THADA: variants seen among roughly 807,000 people sequenced by gnomAD.
THADA encodes the protein THADA armadillo repeat containing.
THADA carries 213 observed loss-of-function variants against 219.8 expected under a neutral mutation model. The ratio of observed to expected loss-of-function variants is 0.97; its 90% CI spans 0.87 to 1.09. The LOEUF is 1.09. Ranked by LOEUF, THADA falls within the 50% of genes least tolerant of loss-of-function variation. The pLI is 0.00. For synonymous variants in THADA, 1,018 were observed against 828.9 expected, an observed-to-expected ratio of 1.23 and a Z score of -3.92; for missense variants, 2,956 against 2,311.3, an observed-to-expected ratio of 1.28 and a Z score of -5.72.
At chr2:43,351,191 C>G (rs1351129879) in intron 29 of THADA, among the ~76,000 whole-genome samples, 1 of 152,230 alleles carries the variant, frequency 6.6e-6, no homozygotes, top group Non-Finnish European at 1.5e-5. Context: ...AAGCCAAGCT[C>G]TGAGGACATC....
intron 29 of THADA, among the ~76,000 whole-genome samples, chr2:43,361,628 G>A (rs968034703): frequency 1.3e-5 from 2 of 152,166 alleles, no homozygotes; most frequent in Admixed American, 1.3e-4. Context: ...TGGCAGTATC[G>A]TTCCTTGGCA....
chr2:43,358,271 T>C (rs1669100065), intron 29 of THADA, among the ~76,000 whole-genome samples: 1 of 152,188 alleles, frequency 6.6e-6, no homozygotes, highest in African/African-American at 2.4e-5. Context: ...TCTAACTCCC[T>C]ACTTATTGTG....
At chr2:43,315,482 A>G (rs981244084) in intron 31 of THADA, among the ~76,000 whole-genome samples, 20 of 151,248 alleles carry the variant, frequency 1.3e-4, no homozygotes, top group East Asian at 1.9e-4. Flanking sequence ...TTTTTTTTAG[A>G]GACAGGATCT....
chr2:43,501,307 C>CA (rs60448094), intron 24 of THADA, among the ~76,000 whole-genome samples: 297 of 15,044 alleles, frequency 0.02, 43 homozygotes, highest in East Asian at 0.046. Flanking sequence ...ACTCCAACTC[C>CA]AAAAAAAAAA....
intron 29 of THADA, among the ~76,000 whole-genome samples, chr2:43,366,481 G>A (rs191101471): frequency 6.6e-6 from 1 of 152,092 alleles, no homozygotes; most frequent in East Asian, 1.9e-4. Flanking sequence ...ACAATTCAGT[G>A]AAAAAAGCAG....
At chr2:43,440,520 C>T (rs1028484211) in intron 26 of THADA, among the ~76,000 whole-genome samples, 31 of 152,146 alleles carry the variant, frequency 2.0e-4, no homozygotes, top group Admixed American at 1.9e-3. Context: ...CAAAACTGGT[C>T]AAGAACATCA....
intron 29 of THADA, among the ~76,000 whole-genome samples, chr2:43,377,085 C>T (rs939111206): frequency 2.6e-5 from 4 of 152,116 alleles, no homozygotes; most frequent in African/African-American, 9.7e-5. Flanking sequence ...CCGGGAGTGG[C>T]ACAATATCGT....
At chr2:43,354,622 T>A (rs906838989) in intron 29 of THADA, among the ~76,000 whole-genome samples, 1 of 152,208 alleles carries the variant, frequency 6.6e-6, no homozygotes, top group African/African-American at 2.4e-5. Context: ...TGTCTTTCTG[T>A]GCCTGGCTTA....
chr2:43,322,842 C>T (rs954429250), intron 30 of THADA, among the ~76,000 whole-genome samples: 11 of 151,822 alleles, frequency 7.2e-5, no homozygotes, highest in South Asian at 6.3e-4. Context: ...CCCGCCGCCA[C>T]GCCCGGCTAA....
chr2:43,387,522 C>T (rs1672836573), intron 29 of THADA, among the ~76,000 whole-genome samples: 2 of 152,088 alleles, frequency 1.3e-5, no homozygotes, highest in African/African-American at 2.4e-5. Flanking sequence ...ACAACTTCTG[C>T]CCGGGTCAGG....
rs1021827277 is a variant in THADA at position 43,556,298 on chromosome 2, C to T, written c.2674+47G>A. ...ATTAGATATTCTAACCAAATGAATA[C>T]TGAGACTAAGCTATTCGTTTTGATA... On this transcript the variant is annotated intron_variant, in intron 17 of 37. Coordinates refer to ENST00000405975, the MANE Select transcript of THADA (RefSeq NM_022065.5). 9 of 1,595,930 alleles carry T rather than the reference C, an allele frequency of 5.6e-6. No individual in the cohort carries two copies. The African/African-American group carries it at 9.4e-5, about 17-fold the overall frequency.
At chr2:43,451,220 T>C (rs1011192705) in intron 26 of THADA, among the ~76,000 whole-genome samples, 3 of 152,144 alleles carry the variant, frequency 2.0e-5, no homozygotes, top group African/African-American at 7.2e-5. Flanking sequence ...CTCTCTCTTA[T>C]CCTTAGGCAA....
intron 20 of THADA, among the ~76,000 whole-genome samples, chr2:43,547,630 T>G (rs992076133): frequency 9.9e-5 from 15 of 152,252 alleles, no homozygotes; most frequent in African/African-American, 1.9e-4. Flanking sequence ...CTTCCATCAC[T>G]GATACCCTTT....
chr2:43,300,075 T>C (rs956669475), intron 31 of THADA, among the ~76,000 whole-genome samples: 5 of 151,506 alleles, frequency 3.3e-5, no homozygotes, highest in African/African-American at 9.7e-5. Flanking sequence ...AGTATTTACA[T>C]GTCATGTACT....
At chr2:43,306,664 C>A (rs1676900018) in intron 31 of THADA, among the ~76,000 whole-genome samples, 2 of 152,176 alleles carry the variant, frequency 1.3e-5, no homozygotes, top group South Asian at 4.1e-4. Flanking sequence ...TGTGATGTTG[C>A]AAGGTGCAGT....
chr2:43,595,114 T>C (rs886290576), intron 1 of THADA, among the ~76,000 whole-genome samples: 1 of 152,244 alleles, frequency 6.6e-6, no homozygotes, highest in Non-Finnish European at 1.5e-5. Flanking sequence ...AACAAATTAA[T>C]TAACAAACAT....
chr2:43,384,046 AC>A (rs1402995109), intron 29 of THADA, among the ~76,000 whole-genome samples: 1 of 152,158 alleles, frequency 6.6e-6, no homozygotes, highest in Non-Finnish European at 1.5e-5. Context: ...TTTTAAAATG[AC>A]CAAACTTACT....
Position 43,269,837 on chromosome 2 carries a change from C to G in THADA, c.5296+9928G>C, listed in dbSNP as rs188201495. On this transcript the variant is annotated intron_variant, in intron 36 of 37. Transcript: ENST00000405975. The stretch of plus-strand genomic sequence containing the variant: ...CCCACTGACAATACTGAAGAACACA[C>G]AGCCAGCTACGGAGAGAGGCCCAGA... Among the ~76,000 whole-genome samples the G allele has an allele frequency of 6.2e-3, 943 of 152,308 alleles. 6 individuals are homozygous for G. Among genetic ancestry groups the G allele is most frequent in the South Asian group, 0.011 (55 of 4,830 alleles).
At chr2:43,315,470 TC>T (rs1183285156) in intron 31 of THADA, among the ~76,000 whole-genome samples, 8 of 152,168 alleles carry the variant, frequency 5.3e-5, no homozygotes, top group African/African-American at 1.9e-4. Context: ...TTCTTTTTTT[TC>T]TTTTTTTTAG....
Sources: allele counts gnomAD v4.1 joint callset (sites outside exome capture counted in the v4.1 genomes callset), GRCh38; gene constraint gnomAD v4.1.1; transcripts MANE v1.5; gene names NCBI Gene and HGNC (gene_info 2026-07-23, HGNC 2026-07-21).